Variants in VIM observed in about 807,000 individuals in gnomAD.
The protein encoded by VIM is vimentin, also known as epididymis secretory sperm binding protein.
Under a neutral mutation model 50.3 loss-of-function variants are expected in VIM, and 18 were observed. That is an observed-to-expected ratio of 0.36 (90% CI 0.25 to 0.53). The LOEUF is 0.53. Ranked by LOEUF, VIM falls within the 20% of genes least tolerant of loss-of-function variation. The probability of loss-of-function intolerance (pLI) is 0.91; values close to 1 mark genes in which losing one functional copy is unlikely to be tolerated. For synonymous variants in VIM, 245 were observed against 248.5 expected (o/e 0.99, Z 0.13); for missense variants, 551 against 614.7 (o/e 0.90, Z 1.10).
In VIM at chr10:17,229,588, T is replaced by G. The variant is rs768322635; in HGVS notation, c.166T>G (p.Ser56Ala). Residue 56 changes from serine to alanine, a missense_variant, in exon 2 of 10, where the codon TCC becomes GCC. Physicochemically the swap from Ser to Ala is moderately conservative, Grantham distance 99. Transcript: ENST00000544301. ...PSTSRSLYAS[S>A]PGGVYATRSS... is the part of the protein sequence containing the mutation. ...CACCAGCCGCAGCCTCTACGCCTCG[T>G]CCCCGGGCGGCGTGTATGCCACGCG... The G allele has an allele frequency of 6.2e-7, 1 of 1,606,790 alleles. No individual in the cohort carries two copies. Among genetic ancestry groups the G allele is most frequent in the Non-Finnish European group, 8.5e-7 (1 of 1,177,524 alleles).
chr10:17,230,572 A>G (rs1289859570), intron 2 of VIM, 78 bp from the exon 3 acceptor site: 2 of 1,501,710 alleles, frequency 1.3e-6, no homozygotes, highest in Non-Finnish European at 9.3e-7. Context: ...CGCAGAGCGA[A>G]TACGTGGTGT....
chr10:17,235,487 G>A (rs189185999), intron 7 of VIM, 98 bp downstream of exon 7: 1 of 1,353,688 alleles, frequency 7.4e-7, no homozygotes, highest in African/African-American at 1.4e-5. Context: ...TCTTTAGAAA[G>A]TTTCTTTGAG....
At chr10:17,233,032 C>T (rs1019657482) in intron 3 of VIM, among the ~76,000 whole-genome samples, 3 of 152,250 alleles carry the variant, frequency 2.0e-5, no homozygotes, top group Non-Finnish European at 4.4e-5. Flanking sequence ...ACTGCAACCT[C>T]TGCCTCCTGG....
At chr10:17,230,747 C>G (rs774557052) in intron 3 of VIM, 37 bp downstream of exon 3, 2 of 1,612,262 alleles carry the variant, frequency 1.2e-6, no homozygotes, top group African/African-American at 1.3e-5. Flanking sequence ...GCCGCCTGAC[C>G]CCACCCAACA....
At chr10:17,236,212 T>G in intron 8 of VIM, 82 bp from the exon 9 acceptor site, 1 of 1,106,572 alleles carries the variant, frequency 9.0e-7, no homozygotes, top group South Asian at 1.2e-5. Context: ...CCACAAATCA[T>G]AATTGTTTCA....
At position 17,229,914 on chromosome 10, in the gene VIM, A is replaced by G; in HGVS notation, c.492A>G (p.Leu164=). 1 of 1,612,896 alleles carries G rather than the reference A, an allele frequency of 6.2e-7. No individual in the cohort carries two copies. The change falls in exon 2 of 10, where the codon CTA becomes CTG. Residue 164 remains leucine (L), a synonymous_variant. Transcript: ENST00000544301. The stretch of plus-strand genomic sequence containing the variant: ...AGCTGCGCCGGCAGGTGGACCAGCT[A>G]ACCAACGACAAAGCCCGCGTCGAGG... ...MRELRRQVDQ[L]TNDKARVEVE...
At position 17,229,959 on chromosome 10, in the gene VIM, C is replaced by A. The variant is rs754952038; in HGVS notation, c.537C>A (p.Ala179=). 1.9e-6 allele frequency: 3 copies of A among 1,612,540 alleles called. No individual in the cohort carries two copies. Among genetic ancestry groups the A allele is most frequent in the Non-Finnish European group, 2.5e-6 (3 of 1,179,752 alleles). ...ARVEVERDNL[A]EDIMRLREKL... is the part of the protein sequence containing the mutation. Reference sequence around the variant, plus strand: ...TCGAGGTGGAGCGCGACAACCTGGCCGAGGACATCATGCGCCTCCGGGAGA... The same window carrying A: ...TCGAGGTGGAGCGCGACAACCTGGCAGAGGACATCATGCGCCTCCGGGAGA... The change falls in exon 2 of 10, where the codon GCC becomes GCA. Residue 179 remains alanine, a synonymous_variant. Coordinates refer to ENST00000544301, the MANE Select transcript of VIM (RefSeq NM_003380.5).
At position 17,233,630 on chromosome 10, in the gene VIM, A is replaced by G; in HGVS notation, c.668A>G (p.Lys223Arg). Residue 223 changes from lysine to arginine, a missense_variant, in exon 4 of 10, where the codon AAA (lysine) becomes AGA (arginine). Transcript: ENST00000544301. ...CTGGCACGTCTTGACCTTGAACGCA[A>G]AGTGGAATCTTTGCAAGAAGAGATT... is the stretch of plus-strand genomic sequence containing the variant. ...ASLARLDLER[K>R]VESLQEEIAF... 1 of 1,614,208 alleles carries G rather than the reference A, an allele frequency of 6.2e-7. No homozygotes were observed. The highest frequency in any genetic ancestry group is 1.7e-5 in the Admixed American group (1 of 60,028).
Position 17,235,828 on chromosome 10 carries a change from CT to C in VIM, c.1230-17del, listed in dbSNP as rs1418672292. ...TTATTTGCCAACAATTTTACTGTTT[CT>C]CTTCATCTGTTTATAGGATTTCTCT... On this transcript the variant is annotated splice_polypyrimidine_tract_variant and intron_variant, in intron 7 of 9. Transcript: ENST00000544301. 1 of 1,613,138 alleles carries C rather than the reference CT, an allele frequency of 6.2e-7. No homozygotes were observed. The highest frequency in any genetic ancestry group is 2.2e-5 in the East Asian group (1 of 44,854).
Position 17,237,433 on chromosome 10 carries a change from C to A in VIM, c.*162C>A. ...TAGTTCTTAACAACCGACACTCCTA[C>A]AAGATTTAGAAAAAAGTTTACAACA... On this transcript the variant is annotated 3_prime_UTR_variant, in exon 10 of 10. Coordinates refer to ENST00000544301, the MANE Select transcript of VIM (RefSeq NM_003380.5). 4.6e-6 allele frequency: 3 copies of A among 655,142 alleles called. No homozygotes were observed. Among genetic ancestry groups the A allele is most frequent in the Non-Finnish European group, 5.2e-6 (2 of 381,336 alleles). 40.6% of individuals were successfully genotyped at this position (655,142 alleles called of 1,614,324 possible). A position where few individuals can be genotyped will look rare whatever the true frequency, so the allele number is the denominator to read the frequency against.
At chr10:17,234,875 G>C in intron 6 of VIM, 57 bp downstream of exon 6, 4 of 1,611,628 alleles carry the variant, frequency 2.5e-6, no homozygotes, top group Non-Finnish European at 3.4e-6. Flanking sequence ...TGCTGACTAG[G>C]CTCATGATGA....
rs397844940 is a variant in VIM, at chr10:17,230,904, A to AT, written c.624+210dup. On this transcript the variant is annotated intron_variant, in intron 3 of 9. Transcript: ENST00000544301. ...AAATATTAATAAAACCCCTTGAGCG[A>AT]TTTTTTTTTTTTTTTTGAGACGGAG... 32,828 of 458,588 alleles carry AT rather than the reference A, an allele frequency of 0.072. 164 individuals carry two copies. Among genetic ancestry groups the AT allele is most frequent in the African/African-American group, 0.091 (4,200 of 46,408 alleles). 28.4% of individuals were successfully genotyped at this position (458,588 alleles called of 1,614,324 possible).
intron 3 of VIM, chr10:17,233,312 C>T: frequency 2.3e-6 from 1 of 427,882 alleles, no homozygotes; most frequent in South Asian, 2.2e-5. Flanking sequence ...GTGCAGTTTA[C>T]CATGTGTGTG....
Position 17,237,275 on chromosome 10 carries a change from T to C in VIM, c.*4T>C. On this transcript the variant is annotated 3_prime_UTR_variant, in exon 10 of 10. Transcript: ENST00000544301. ...GCATCACGATGACCTTGAATAAAAA[T>C]TGCACACACTCAGTGCAGCAATATA... 1 of 1,606,202 alleles carries C rather than the reference T, an allele frequency of 6.2e-7. No homozygotes were observed. Among genetic ancestry groups the C allele is most frequent in the Non-Finnish European group, 8.5e-7 (1 of 1,175,288 alleles).
At chr10:17,229,187 G>T in intron 1 of VIM, 89 bp from the exon 2 acceptor site, 1 of 261,800 alleles carries the variant, frequency 3.8e-6, no homozygotes, top group Non-Finnish European at 6.9e-6. Context: ...GGTCCCTATT[G>T]GCTGGCGCGC....
chr10:17,231,415 A>G (rs906515167), intron 3 of VIM, among the ~76,000 whole-genome samples: 1 of 152,212 alleles, frequency 6.6e-6, no homozygotes, highest in South Asian at 2.1e-4. Flanking sequence ...TATGGGCTTC[A>G]CTATGGAATG....
Position 17,234,740 on chromosome 10 carries a change from C to T in VIM, c.930C>T (p.Arg310=), listed in dbSNP as rs1846858093. ...EAANRNNDAL[R]QAKQESTEYR... Reference sequence around the variant, plus strand: ...CCAACCGGAACAATGACGCCCTGCGCCAGGCAAAGCAGGAGTCCACTGAGT... The same window carrying T: ...CCAACCGGAACAATGACGCCCTGCGTCAGGCAAAGCAGGAGTCCACTGAGT... The change falls in exon 6 of 10, where the codon CGC becomes CGT. Residue 310 remains arginine (R), a synonymous_variant. Transcript: ENST00000544301. 5 of 1,614,130 alleles carry T rather than the reference C, an allele frequency of 3.1e-6. No individual in the cohort carries two copies. In the East Asian group the frequency reaches 8.9e-5, roughly 29 times the overall value.
chr10:17,233,821 G>A lies in VIM; in HGVS notation c.772G>A (p.Val258Met), dbSNP rs758735029. The change falls in exon 5 of 10, where the codon GTG becomes ATG. Residue 258 changes from valine to methionine, a missense_variant. Transcript: ENST00000544301. Reference sequence around the variant, plus strand: ...TCAGGAACAGCATGTCCAAATCGATGTGGATGTTTCCAAGCCTGACCTCAC... The same window carrying A: ...TCAGGAACAGCATGTCCAAATCGATATGGATGTTTCCAAGCCTGACCTCAC... ...QIQEQHVQID[V>M]DVSKPDLTAA... 3 of 1,614,202 alleles carry A rather than the reference G, an allele frequency of 1.9e-6. No individual in the cohort carries two copies. The South Asian group carries it at 3.3e-5, about 18-fold the overall frequency.
At position 17,230,655 on chromosome 10, in the gene VIM, A is replaced by C; in HGVS notation, c.569A>C (p.Gln190Pro). 3 of 1,614,138 alleles carry C rather than the reference A, an allele frequency of 1.9e-6. No homozygotes were observed. Residue 190 changes from glutamine (Q) to proline (P), a missense_variant, in exon 3 of 10, where the codon CAG (glutamine) becomes CCG (proline). Gln to Pro is a moderately conservative substitution (Grantham distance 76). Coordinates refer to ENST00000544301, the MANE Select transcript of VIM (RefSeq NM_003380.5). Reference sequence around the variant, plus strand: ...TTAATGCGCAACTGTTTCAGATTGCAGGAGGAGATGCTTCAGAGAGAGGAA... The same window carrying C: ...TTAATGCGCAACTGTTTCAGATTGCCGGAGGAGATGCTTCAGAGAGAGGAA... ...EDIMRLREKL[Q>P]EEMLQREEAE...
Sources: allele counts gnomAD v4.1 joint callset (sites outside exome capture counted in the v4.1 genomes callset), GRCh38; gene constraint gnomAD v4.1.1; transcripts MANE v1.5; gene names NCBI Gene and HGNC (gene_info 2026-07-23, HGNC 2026-07-21).